Variants in KLF4 observed in about 807,000 individuals in gnomAD.
The protein encoded by KLF4 is KLF transcription factor 4.
In KLF4, 14 loss-of-function variants were observed where a neutral mutation model predicts 38.0. The ratio of observed to expected loss-of-function variants is 0.37; its 90% CI spans 0.24 to 0.58. The LOEUF (loss-of-function observed/expected upper bound fraction) is 0.58. Among genes scored for constraint, KLF4 ranks in the 20% least tolerant of loss-of-function variants. The pLI is 0.76. For missense variants in KLF4, 737 were observed against 670.1 expected, an observed-to-expected ratio of 1.10 and a Z score of -1.10; for synonymous variants, 398 against 302.5, an observed-to-expected ratio of 1.32 and a Z score of -3.28.
rs979663828 is a variant in KLF4, at chr9:107,488,696, C to T, written c.126+234G>A. 6.6e-6 allele frequency among the ~76,000 whole-genome samples: 1 copy of T among 152,186 alleles called. No homozygotes were observed. The highest frequency in any genetic ancestry group is 1.5e-5 in the Non-Finnish European group (1 of 68,028). On this transcript the variant is annotated intron_variant, in intron 2 of 4. Transcript: ENST00000374672. This position sits in a 1 kb window ranked among gnomAD's most constrained non-coding sequence, Gnocchi z 5.7. ...AGCGCCCGCCCTACCGACAGCGCGC[C>T]CGGGGACTGGTGAAGACCCGGCTTG...
chr9:107,488,350 C>G lies in KLF4; in HGVS notation c.127-83G>C. ...TACTGACGTGCTGGCGGGCCACGCG[C>G]GACTGCACCGCCCAGACATGGGGAC... is the stretch of plus-strand genomic sequence containing the variant. On this transcript the variant is annotated intron_variant, in intron 2 of 4. Transcript: ENST00000374672. This position sits in a 1 kb window ranked among gnomAD's most constrained non-coding sequence, Gnocchi z 5.7. 6.9e-7 allele frequency: 1 copy of G among 1,459,424 alleles called. No homozygotes were observed. The highest frequency in any genetic ancestry group is 9.0e-7 in the Non-Finnish European group (1 of 1,109,980). The allele number at this position is 1,459,424 out of a possible 1,614,324, so 90.4% of individuals were successfully genotyped here.
In KLF4 at chr9:107,489,151, C is replaced by A. The variant is rs1375418319; in HGVS notation, c.5+17G>T. On this transcript the variant is annotated intron_variant, in intron 1 of 4. Coordinates refer to ENST00000374672, the MANE Select transcript of KLF4 (RefSeq NM_004235.6). The stretch of plus-strand genomic sequence containing the variant: ...TCCTCACCCCTCCCTGCTCCCAGCG[C>A]CGCGCGCCTCACCTACCTCATTAAT... 2 of 1,533,922 alleles carry A rather than the reference C, an allele frequency of 1.3e-6. No homozygotes were observed. The highest frequency in any genetic ancestry group is 8.8e-7 in the Non-Finnish European group (1 of 1,137,366).
At chr9:107,486,312 C>T (rs1483568569) in intron 4 of KLF4, among the ~76,000 whole-genome samples, 4 of 152,022 alleles carry the variant, frequency 2.6e-5, no homozygotes, top group East Asian at 1.9e-4. Context: ...ATTCCTACTA[C>T]GACTGGGGAT....
chr9:107,488,743 G>A lies in KLF4; in HGVS notation c.126+187C>T, dbSNP rs1280317665. 1.3e-5 allele frequency among the ~76,000 whole-genome samples: 2 copies of A among 152,210 alleles called. No individual in the cohort carries two copies. On this transcript the variant is annotated intron_variant, in intron 2 of 4. Coordinates refer to ENST00000374672, the MANE Select transcript of KLF4 (RefSeq NM_004235.6). The surrounding 1 kb of genome is among the most constrained non-coding windows in gnomAD (Gnocchi z 5.7). ...CTTGCGCCCCAGGCGGCTCCGCAGTGCTCGCACCACGGGCATACACAGCTG... is the reference window on the plus strand; with the variant it reads ...CTTGCGCCCCAGGCGGCTCCGCAGTACTCGCACCACGGGCATACACAGCTG...
In KLF4 at chr9:107,489,706, C is replaced by A. The variant is rs1829161841; in HGVS notation, c.-534G>T. On this transcript the variant is annotated 5_prime_UTR_variant, in exon 1 of 5. Transcript: ENST00000374672. Reference sequence around the variant, plus strand: ...GGCGGCTCCCGGTGCCGCCGCCGCCCGCCACCGCCTCTGCTCCCCGCGCGC... The same window carrying A: ...GGCGGCTCCCGGTGCCGCCGCCGCCAGCCACCGCCTCTGCTCCCCGCGCGC... The A allele has an allele frequency of 4.8e-6, 1 of 209,614 alleles. No homozygotes were observed. Among genetic ancestry groups the A allele is most frequent in the Non-Finnish European group, 9.7e-6 (1 of 103,078 alleles). The allele number at this position is 209,614 out of a possible 1,614,324, so 13.0% of individuals were successfully genotyped here.
chr9:107,487,680 A>T lies in KLF4; in HGVS notation c.714T>A (p.Pro238=). 6.2e-7 allele frequency: 1 copy of T among 1,604,804 alleles called. No homozygotes were observed. Among genetic ancestry groups the T allele is most frequent in the Non-Finnish European group, 8.5e-7 (1 of 1,177,906 alleles). The change falls in exon 3 of 5, where the codon CCT becomes CCA. Residue 238 remains proline, a synonymous_variant. Transcript: ENST00000374672. The surrounding 1 kb of genome is among the most constrained non-coding windows in gnomAD (Gnocchi z 6.1). ...KFVLKASLSA[P]GSEYGSPSVI... ...CCGACGGGCTGCCGTACTCGCTGCC[A>T]GGGGCGCTCAGCGACGCCTTCAGCA...
rs1462260073 is a variant in KLF4 at position 107,485,107 on chromosome 9, C to T, written c.*644G>A. ...GAAACCACAGTGCATAACAGACTGT[C>T]TGCATAAAAATGCTAAAGAAGTAAA... On this transcript the variant is annotated 3_prime_UTR_variant, in exon 5 of 5. Transcript: ENST00000374672. This position sits in a 1 kb window ranked among gnomAD's most constrained non-coding sequence, Gnocchi z 4.9. The T allele has an allele frequency of 1.1e-5, 2 of 190,228 alleles. No individual in the cohort carries two copies. Among genetic ancestry groups the T allele is most frequent in the African/African-American group, 5.9e-5 (2 of 34,066 alleles). The allele number at this position is 190,228 out of a possible 1,614,324, so 11.8% of individuals were successfully genotyped here.
intron 1 of KLF4, 37 bp from the exon 2 acceptor site, chr9:107,489,087 G>C (rs1219303242): frequency 3.2e-5 from 50 of 1,551,328 alleles, no homozygotes; most frequent in Non-Finnish European, 4.2e-5. Context: ...AGGAGAGTCA[G>C]GGGCGGCTTT....
At position 107,485,945 on chromosome 9, in the gene KLF4, A is replaced by G. The variant is rs746747968; in HGVS notation, c.1265-19T>C. ...TTCTCACCTGTAAAGGTAAAAGAAA[A>G]AAAAAATTGACGCTATTGCTATATC... On this transcript the variant is annotated intron_variant, in intron 4 of 4. Coordinates refer to ENST00000374672, the MANE Select transcript of KLF4 (RefSeq NM_004235.6). The surrounding 1 kb of genome is among the most constrained non-coding windows in gnomAD (Gnocchi z 4.9). 5 of 1,594,134 alleles carry G rather than the reference A, an allele frequency of 3.1e-6. No individual in the cohort carries two copies. The highest frequency in any genetic ancestry group is 4.3e-6 in the Non-Finnish European group (5 of 1,175,136).
Position 107,488,025 on chromosome 9 carries a change from G to A in KLF4, c.369C>T (p.Thr123=), listed in dbSNP as rs140436188. The change falls in exon 3 of 5, where the codon ACC becomes ACT. Residue 123 remains threonine (T), a synonymous_variant. Transcript: ENST00000374672. This position sits in a 1 kb window ranked among gnomAD's most constrained non-coding sequence, Gnocchi z 5.7. ...LTHPPESVAA[T]VSSSASASSS... ...AGGAGGCTGACGCTGACGAGGACAC[G>A]GTGGCGGCCACTGACTCCGGAGGAT... 7.3e-5 allele frequency: 117 copies of A among 1,608,926 alleles called. No homozygotes were observed. The African/African-American group carries it at 1.4e-3, about 19-fold the overall frequency.
Position 107,487,137 on chromosome 9 carries a change from T to C in KLF4, c.1155A>G (p.Arg385=), listed in dbSNP as rs759055140. The part of the protein sequence containing the change: ...MPEEPKPKRG[R]RSWPRKRTAT... ...CGGTCCTTTTCCGGGGCCACGATCG[T>C]CTTCCCCTCTTTGGCTTGGGCTCCT... Residue 385 remains arginine, a synonymous_variant, in exon 4 of 5, where the codon AGA becomes AGG. Coordinates refer to ENST00000374672, the MANE Select transcript of KLF4 (RefSeq NM_004235.6). This position sits in a 1 kb window ranked among gnomAD's most constrained non-coding sequence, Gnocchi z 6.1. 6.2e-7 allele frequency: 1 copy of C among 1,614,172 alleles called. No homozygotes were observed. Among genetic ancestry groups the C allele is most frequent in the East Asian group, 2.2e-5 (1 of 44,860 alleles).
In KLF4 at chr9:107,489,155, G is replaced by A; in HGVS notation, c.5+13C>T. ...CACCCCTCCCTGCTCCCAGCGCCGC[G>A]CGCCTCACCTACCTCATTAATGTGG... On this transcript the variant is annotated intron_variant, in intron 1 of 4. Transcript: ENST00000374672. 2.6e-6 allele frequency: 4 copies of A among 1,532,830 alleles called. No homozygotes were observed. Among genetic ancestry groups the A allele is most frequent in the Non-Finnish European group, 3.5e-6 (4 of 1,136,894 alleles). 95.0% of individuals were successfully genotyped at this position (1,532,830 alleles called of 1,614,324 possible).
chr9:107,488,128 G>A lies in KLF4; in HGVS notation c.266C>T (p.Ala89Val), dbSNP rs1829117980. The change falls in exon 3 of 5, where the codon GCG becomes GTG. Residue 89 changes from alanine to valine, a missense_variant. Physicochemically the swap from Ala to Val is moderately conservative, Grantham distance 64. Around this residue, in one of 2 missense-constraint regions of KLF4, gnomAD observed 695 missense variants for 554.5 expected, o/e 1.25. Coordinates refer to ENST00000374672, the MANE Select transcript of KLF4 (RefSeq NM_004235.6). The surrounding 1 kb of genome is among the most constrained non-coding windows in gnomAD (Gnocchi z 5.7). ...CTCGGTCTCTCTCCGAGGTAGGGGC[G>A]CCAGGTTGCTACCGCCGCAAGCCGC... is the stretch of plus-strand genomic sequence containing the variant. ...AGAACGGSNL[A>V]PLPRRETEEF... The A allele has an allele frequency of 1.2e-6, 2 of 1,612,580 alleles. No homozygotes were observed. Among genetic ancestry groups the A allele is most frequent in the Non-Finnish European group, 1.7e-6 (2 of 1,179,892 alleles).
At chr9:107,486,658 C>A (rs1222726992) in intron 4 of KLF4, among the ~76,000 whole-genome samples, 11 of 151,902 alleles carry the variant, frequency 7.2e-5, no homozygotes, top group Non-Finnish European at 1.5e-4. Context: ...TTAAAAAAGC[C>A]ATCATGCTTT....
intron 4 of KLF4, 111 bp from the exon 5 acceptor site, chr9:107,486,037 A>T: frequency 1.1e-6 from 1 of 898,402 alleles, no homozygotes; most frequent in Non-Finnish European, 1.7e-6. Flanking sequence ...TCCTAAAGAA[A>T]TCCAGGAATG....
chr9:107,486,311 A>G (rs1829061948), intron 4 of KLF4, among the ~76,000 whole-genome samples: 1 of 151,860 alleles, frequency 6.6e-6, no homozygotes, highest in Non-Finnish European at 1.5e-5. Flanking sequence ...TATTCCTACT[A>G]CGACTGGGGA....
At chr9:107,486,378 C>T (rs1829063430) in intron 4 of KLF4, among the ~76,000 whole-genome samples, 1 of 152,042 alleles carries the variant, frequency 6.6e-6, no homozygotes, top group South Asian at 2.1e-4. Flanking sequence ...CTGAATGCTG[C>T]ACCTAAACGA....
Position 107,488,809 on chromosome 9 carries a change from C to G in KLF4, c.126+121G>C. The G allele has an allele frequency of 7.3e-7, 1 of 1,361,958 alleles. No individual in the cohort carries two copies. Among genetic ancestry groups the G allele is most frequent in the Admixed American group, 2.4e-5 (1 of 40,856 alleles). 84.4% of individuals were successfully genotyped at this position (1,361,958 alleles called of 1,614,324 possible). On this transcript the variant is annotated intron_variant, in intron 2 of 4. Transcript: ENST00000374672. The surrounding 1 kb of genome is among the most constrained non-coding windows in gnomAD (Gnocchi z 5.7). ...AGCTATCCCGGGAAGGTTGCGGAGT[C>G]CGCGCGGTGGCCGCTCCTTACCCTC...
rs1587923100 is a variant in KLF4 at position 107,488,991 on chromosome 9, G to C, written c.65C>G (p.Thr22Arg). 6.4e-7 allele frequency: 1 copy of C among 1,568,820 alleles called. No homozygotes were observed. Among genetic ancestry groups the C allele is most frequent in the Admixed American group, 1.9e-5 (1 of 53,588 alleles). The change falls in exon 2 of 5, where the codon ACG (threonine) becomes AGG (arginine). Residue 22 changes from threonine (T) to arginine (R), a missense_variant. By Grantham distance (71) the Thr-to-Arg change is moderately conservative. Transcript: ENST00000374672. The surrounding 1 kb of genome is among the most constrained non-coding windows in gnomAD (Gnocchi z 5.7). ...CCTTCCCGCCGGGCCAGACGCGAAC[G>C]TGGAGAAAGATGGGAGCAGCGCGTC... ...VSDALLPSFS[T>R]FASGPAGREK... is the part of the protein sequence containing the mutation.
Sources: allele counts gnomAD v4.1 joint callset (sites outside exome capture counted in the v4.1 genomes callset), GRCh38; gene constraint gnomAD v4.1.1; regional missense constraint gnomAD v4.1.1; non-coding constraint Gnocchi (gnomAD v3.1); transcripts MANE v1.5; gene names NCBI Gene and HGNC (gene_info 2026-07-23, HGNC 2026-07-21).